Variants in AASS observed in about 807,000 individuals in gnomAD.
AASS encodes the protein alpha-aminoadipic semialdehyde synthase, mitochondrial.
A neutral mutation model predicts 105.4 loss-of-function variants in AASS; 86 were observed. The observed-to-expected ratio is 0.82, with a 90% CI of 0.69 to 0.98. The LOEUF (loss-of-function observed/expected upper bound fraction) is 0.98. Ranked by LOEUF, AASS falls within the 50% of genes least tolerant of loss-of-function variation. AASS has a pLI of 0.00. For missense variants in AASS, 1,048 were observed against 1,143.2 expected, an observed-to-expected ratio of 0.92 and a Z score of 1.20; for synonymous variants, 381 against 394.8, an observed-to-expected ratio of 0.96 and a Z score of 0.41.
At chr7:122,143,860 C>T (rs1796512842) in intron 1 of AASS, among the ~76,000 whole-genome samples, 1 of 152,246 alleles carries the variant, frequency 6.6e-6, no homozygotes, top group Admixed American at 6.5e-5. Context: ...GAATTGCAAT[C>T]CCTCGCCTTT....
At chr7:122,105,638 T>C (rs916502270) in intron 11 of AASS, among the ~76,000 whole-genome samples, 2 of 151,820 alleles carry the variant, frequency 1.3e-5, no homozygotes, top group Admixed American at 6.6e-5. Flanking sequence ...AAGGAGTCAA[T>C]AGAGAAACTA....
At chr7:122,087,589 G>A (rs957084778) in intron 18 of AASS, among the ~76,000 whole-genome samples, 2 of 152,046 alleles carry the variant, frequency 1.3e-5, no homozygotes, top group Admixed American at 1.3e-4. Context: ...GGGCATGATG[G>A]TGCCCACCTG....
Position 122,115,214 on chromosome 7 carries a change from G to C in AASS, c.903C>G (p.Pro301=), listed in dbSNP as rs1239314628. Residue 301 remains proline, a synonymous_variant, in exon 9 of 24, where the codon CCC becomes CCG. Transcript: ENST00000417368. ...TTCCATTAATTAAGCAAGTTGTATAGGGTGCAATCTGTAATGCAAGTTCCA... is the reference window on the plus strand; with the variant it reads ...TTCCATTAATTAAGCAAGTTGTATACGGTGCAATCTGTAATGCAAGTTCCA... ...YISRFNTDIA[P]YTTCLINGIY... The C allele has an allele frequency of 6.2e-7, 1 of 1,613,996 alleles. No homozygotes were observed. Among genetic ancestry groups the C allele is most frequent in the Non-Finnish European group, 8.5e-7 (1 of 1,180,012 alleles).
chr7:122,118,707 C>A (rs186441960), intron 4 of AASS, 77 bp from the exon 5 acceptor site: 34 of 1,394,214 alleles, frequency 2.4e-5, no homozygotes, highest in Non-Finnish European at 3.3e-5. Context: ...GTTCTCCAAT[C>A]TGCATGGTGC....
At chr7:122,106,129 G>C (rs1584855114) in intron 11 of AASS, among the ~76,000 whole-genome samples, 1 of 151,998 alleles carries the variant, frequency 6.6e-6, no homozygotes, top group African/African-American at 2.4e-5. Context: ...CTAGGGGGTT[G>C]TCTAGATATA....
At chr7:122,093,001 A>C in intron 16 of AASS, 47 bp downstream of exon 16, 1 of 1,611,404 alleles carries the variant, frequency 6.2e-7, no homozygotes, top group African/African-American at 1.3e-5. Context: ...TAAAATAAAA[A>C]CAATGCCATG....
At chr7:122,130,472 C>A (rs1196266238) in intron 2 of AASS, among the ~76,000 whole-genome samples, 3 of 151,916 alleles carry the variant, frequency 2.0e-5, no homozygotes, top group African/African-American at 7.2e-5. Context: ...ATTACATGTA[C>A]TTTGCTAAGC....
In AASS at chr7:122,092,874, G is replaced by A. The variant is rs768809410; in HGVS notation, c.1844C>T (p.Thr615Ile). The A allele has an allele frequency of 1.2e-6, 2 of 1,613,814 alleles. No individual in the cohort carries two copies. ...TCCCACTTCCTTGGCTTTATCTATT[G>A]TTTCCATTGCTAACATGTGATCCAG... is the stretch of plus-strand genomic sequence containing the variant. ...PGLDHMLAME[T>I]IDKAKEVGAT... Residue 615 changes from threonine (T) to isoleucine (I), a missense_variant, in exon 17 of 24, where the codon ACA becomes ATA. Transcript: ENST00000417368.
chr7:122,116,665 G>C lies in AASS; in HGVS notation c.862C>G (p.Pro288Ala). 2.5e-6 allele frequency: 4 copies of C among 1,614,064 alleles called. No individual in the cohort carries two copies. The highest frequency in any genetic ancestry group is 3.4e-6 in the Non-Finnish European group (4 of 1,179,998). ...TTAAAACGACTTATGTAGCGCTCCG[G>C]ATGTTTGTCATACTCTGCAGGATCA... Reference protein sequence around the residue: ...VYDPAEYDKHPERYISRFNTD... With the variant: ...VYDPAEYDKHAERYISRFNTD... Residue 288 changes from proline (P) to alanine (A), a missense_variant, in exon 8 of 24, where the codon CCG (proline) becomes GCG (alanine). Physicochemically the swap from Pro to Ala is conservative, Grantham distance 27 (BLOSUM62 -1). Transcript: ENST00000417368.
Position 122,133,687 on chromosome 7 carries a change from C to A in AASS, c.40G>T (p.Val14Phe). 6.2e-7 allele frequency: 1 copy of A among 1,614,120 alleles called. No individual in the cohort carries two copies. The highest frequency in any genetic ancestry group is 8.5e-7 in the Non-Finnish European group (1 of 1,180,022). ...VHRTGLGRLG[V>F]SLSKGLHHKA... ...TGGTGAAGACCCTTGGAGAGGCTGA[C>A]CCCCAGCCTGCCCAGTCCAGTCCTA... is the stretch of plus-strand genomic sequence containing the variant. Residue 14 changes from valine (V) to phenylalanine (F), a missense_variant, in exon 2 of 24, where the codon GTC becomes TTC. Val to Phe is a conservative substitution (Grantham distance 50). Coordinates refer to ENST00000417368, the MANE Select transcript of AASS (RefSeq NM_005763.4).
At chr7:122,141,397 T>A (rs996567607) in intron 1 of AASS, among the ~76,000 whole-genome samples, 11 of 152,184 alleles carry the variant, frequency 7.2e-5, no homozygotes, top group Admixed American at 5.2e-4. Flanking sequence ...TAGTTCTAAA[T>A]CGGAGTCTAG....
chr7:122,123,535 C>T (rs192324444), intron 4 of AASS, among the ~76,000 whole-genome samples: 7 of 152,306 alleles, frequency 4.6e-5, no homozygotes, highest in Non-Finnish European at 7.4e-5. Context: ...ATGGTTTTTG[C>T]AGCAGACATA....
chr7:122,079,052 T>A, intron 21 of AASS, 102 bp from the exon 22 acceptor site: 2 of 1,601,290 alleles, frequency 1.2e-6, no homozygotes, highest in South Asian at 2.2e-5. Context: ...AAGGGCAGAA[T>A]TACAAGGTGG....
chr7:122,100,935 A>G (rs1008005969), intron 13 of AASS, among the ~76,000 whole-genome samples: 1 of 151,816 alleles, frequency 6.6e-6, no homozygotes, highest in African/African-American at 2.4e-5. Flanking sequence ...GTAACCACGA[A>G]TTCACTTCCC....
At chr7:122,117,221 T>C (rs1330266480) in intron 6 of AASS, among the ~76,000 whole-genome samples, 3 of 152,206 alleles carry the variant, frequency 2.0e-5, no homozygotes, top group African/African-American at 7.2e-5. Flanking sequence ...TAAGAGTGTT[T>C]AGAAATGAGG....
At chr7:122,131,013 C>T (rs746578881) in intron 2 of AASS, among the ~76,000 whole-genome samples, 1 of 148,124 alleles carries the variant, frequency 6.8e-6, no homozygotes, top group Non-Finnish European at 1.5e-5. Flanking sequence ...TGTAAATACA[C>T]ACACAGGTGT....
At chr7:122,138,433 T>C (rs1796249308) in intron 1 of AASS, among the ~76,000 whole-genome samples, 1 of 152,188 alleles carries the variant, frequency 6.6e-6, no homozygotes, top group African/African-American at 2.4e-5. Context: ...ATAGAATAAT[T>C]ATGACAATAT....
intron 11 of AASS, among the ~76,000 whole-genome samples, chr7:122,104,688 T>A (rs1794584730): frequency 6.6e-6 from 1 of 151,992 alleles, no homozygotes; most frequent in South Asian, 2.1e-4. Context: ...GAAAACCAAA[T>A]ACCACATGTT....
intron 8 of AASS, 134 bp downstream of exon 8, chr7:122,116,499 C>T: frequency 8.7e-7 from 1 of 1,151,726 alleles, no homozygotes. Flanking sequence ...CTCCAAAGGC[C>T]AAATCATGAT....
Sources: allele counts gnomAD v4.1 joint callset (sites outside exome capture counted in the v4.1 genomes callset), GRCh38; gene constraint gnomAD v4.1.1; transcripts MANE v1.5; gene names NCBI Gene and HGNC (gene_info 2026-07-23, HGNC 2026-07-21).